ADAMTS14: variants seen among roughly 807,000 people sequenced by gnomAD.
The protein encoded by ADAMTS14 is A disintegrin and metalloproteinase with thrombospondin motifs 14.
A neutral mutation model predicts 128.6 loss-of-function variants in ADAMTS14; 100 were observed. The observed-to-expected ratio is 0.78, with a 90% CI of 0.66 to 0.92. The LOEUF (loss-of-function observed/expected upper bound fraction) is 0.92. Ranked by LOEUF, ADAMTS14 falls within the 40% of genes least tolerant of loss-of-function variation. The pLI, the probability that ADAMTS14 is intolerant of heterozygous loss-of-function variation, is 0.00. For missense variants in ADAMTS14, 1,562 were observed against 1,658.6 expected, an observed-to-expected ratio of 0.94 and a Z score of 1.01; for synonymous variants, 665 against 653.8, an observed-to-expected ratio of 1.02 and a Z score of -0.26.
chr10:70,682,763 T>C (rs989611063), intron 2 of ADAMTS14, among the ~76,000 whole-genome samples: 1 of 151,996 alleles, frequency 6.6e-6, no homozygotes, highest in Non-Finnish European at 1.5e-5. Context: ...GGGTTTTCAG[T>C]GGGGCACACA....
At position 70,761,593 on chromosome 10, in the gene ADAMTS14, A is replaced by G. The variant is rs1473376343; in HGVS notation, c.*740A>G. 2 of 152,202 alleles carry G rather than the reference A, an allele frequency of 1.3e-5. 1 individual carries two copies. The highest frequency in any genetic ancestry group is 2.9e-5 in the Non-Finnish European group (2 of 68,072). 9.4% of individuals were successfully genotyped at this position (152,202 alleles called of 1,614,324 possible). On this transcript the variant is annotated 3_prime_UTR_variant, in exon 22 of 22. Coordinates refer to ENST00000373207, the MANE Select transcript of ADAMTS14 (RefSeq NM_080722.4). ...TGGCCCCCCAATCTCACCCCAGCCCACCAGAGAAGGGGGCTCAGGACACCC... is the reference window on the plus strand; with the variant it reads ...TGGCCCCCCAATCTCACCCCAGCCCGCCAGAGAAGGGGGCTCAGGACACCC...
At chr10:70,694,919 G>A (rs907780039) in intron 2 of ADAMTS14, among the ~76,000 whole-genome samples, 2 of 152,182 alleles carry the variant, frequency 1.3e-5, no homozygotes, top group Non-Finnish European at 2.9e-5. Flanking sequence ...GGATCATGTG[G>A]TAATGCTGTT....
chr10:70,724,673 C>T (rs75737210), intron 4 of ADAMTS14, among the ~76,000 whole-genome samples: 5,084 of 152,246 alleles, frequency 0.033, 325 homozygotes, highest in African/African-American at 0.12. Context: ...AAATCAAAGA[C>T]GCTGAGGTCC....
At chr10:70,727,619 TGGC>T in intron 4 of ADAMTS14, among the ~76,000 whole-genome samples, 4 of 152,242 alleles carry the variant, frequency 2.6e-5, no homozygotes, top group Non-Finnish European at 2.9e-5. Context: ...ACCACACTGC[TGGC>T]ATCACATCCC....
intron 2 of ADAMTS14, among the ~76,000 whole-genome samples, chr10:70,691,301 T>C (rs1389913783): frequency 7.0e-6 from 1 of 142,976 alleles, no homozygotes; most frequent in East Asian, 2.0e-4. Flanking sequence ...AAGACCAGCC[T>C]GGCCAACATG....
intron 4 of ADAMTS14, among the ~76,000 whole-genome samples, chr10:70,728,266 G>A (rs957414174): frequency 2.0e-5 from 3 of 152,212 alleles, no homozygotes; most frequent in Non-Finnish European, 4.4e-5. Flanking sequence ...TATTCAGTAT[G>A]ATTCCAATTT....
At chr10:70,731,014 C>A (rs979554025) in intron 6 of ADAMTS14, among the ~76,000 whole-genome samples, 2 of 150,962 alleles carry the variant, frequency 1.3e-5, no homozygotes, top group African/African-American at 4.9e-5. Flanking sequence ...CCCTGCCTAC[C>A]CAAAAATTTC....
intron 6 of ADAMTS14, among the ~76,000 whole-genome samples, chr10:70,731,262 C>T (rs1841629149): frequency 6.7e-6 from 1 of 149,168 alleles, no homozygotes; most frequent in Non-Finnish European, 1.5e-5. Context: ...TACATGCATG[C>T]ACAGGCACTC....
At chr10:70,731,064 C>CCACACACA (rs56903140) in intron 6 of ADAMTS14, among the ~76,000 whole-genome samples, 3,541 of 145,746 alleles carry the variant, frequency 0.024, 50 homozygotes, top group Middle Eastern at 0.06. Flanking sequence ...GTTTTACACA[C>CCACACACA]CACACACACA....
At position 70,735,282 on chromosome 10, in the gene ADAMTS14, G is replaced by A. The variant is rs1841789994; in HGVS notation, c.1466G>A (p.Gly489Asp). ...CAGTGCCGCTTTGACTTTGGCAGTG[G>A]CTACCAGACCTGCTTGGCAGTAAGT... Reference protein sequence around the residue: ...DEQCRFDFGSGYQTCLAFRTF... With the variant: ...DEQCRFDFGSDYQTCLAFRTF... Residue 489 changes from glycine (G) to aspartate (D), a missense_variant, in exon 9 of 22, where the codon GGC (glycine) becomes GAC (aspartate). Transcript: ENST00000373207. The A allele has an allele frequency of 6.2e-7, 1 of 1,613,958 alleles. No homozygotes were observed. Among genetic ancestry groups the A allele is most frequent in the Non-Finnish European group, 8.5e-7 (1 of 1,179,934 alleles).
chr10:70,703,853 A>C lies in ADAMTS14; in HGVS notation c.679+1385A>C, dbSNP rs187558641. Among the ~76,000 whole-genome samples the C allele has an allele frequency of 1.9e-4, 29 of 152,304 alleles. No individual in the cohort carries two copies. In the East Asian group the frequency reaches 5.6e-3, roughly 29 times the overall value. ...CCCCACACCAGGCTCCGGGGCTGGA[A>C]CTCCAGTGAGGCCAGGCCCTGGTCC... On this transcript the variant is annotated intron_variant, in intron 3 of 21. Transcript: ENST00000373207.
chr10:70,701,919 T>G (rs1454304428), intron 2 of ADAMTS14, among the ~76,000 whole-genome samples: 4 of 152,212 alleles, frequency 2.6e-5, no homozygotes, highest in African/African-American at 9.6e-5. Context: ...CAAACCCCTG[T>G]GATGTGCTTC....
chr10:70,702,217 A>G, intron 2 of ADAMTS14, 95 bp from the exon 3 acceptor site: 1 of 1,535,808 alleles, frequency 6.5e-7, no homozygotes, highest in South Asian at 1.2e-5. Context: ...ATGTAGGGTC[A>G]CATATGTGCA....
chr10:70,752,497 C>T (rs552274006), intron 18 of ADAMTS14, among the ~76,000 whole-genome samples: 38 of 152,294 alleles, frequency 2.5e-4, no homozygotes, highest in African/African-American at 5.8e-4. Flanking sequence ...CCCTGGCTTG[C>T]GGCTACATGC....
intron 2 of ADAMTS14, among the ~76,000 whole-genome samples, chr10:70,679,909 C>A (rs1378273620): frequency 6.6e-6 from 1 of 152,066 alleles, no homozygotes; most frequent in Non-Finnish European, 1.5e-5. Flanking sequence ...CCTTCGGCAC[C>A]TCCCTGTTGT....
chr10:70,749,739 G>A (rs1842293626), intron 15 of ADAMTS14, 83 bp from the exon 16 acceptor site: 2 of 1,498,464 alleles, frequency 1.3e-6, no homozygotes. Flanking sequence ...GGCTCACTGG[G>A]AAGGCCTTGA....
chr10:70,712,000 A>G (rs548423976), intron 4 of ADAMTS14, among the ~76,000 whole-genome samples: 3 of 151,870 alleles, frequency 2.0e-5, no homozygotes, highest in Non-Finnish European at 4.4e-5. Flanking sequence ...GGAGCCTAGC[A>G]TGTGGTTTTG....
chr10:70,726,508 A>C (rs1156587257), intron 4 of ADAMTS14, among the ~76,000 whole-genome samples: 1 of 152,166 alleles, frequency 6.6e-6, no homozygotes, highest in Non-Finnish European at 1.5e-5. Context: ...GGTTTACATG[A>C]GTATGCGTGG....
chr10:70,717,497 G>T (rs540248390), intron 4 of ADAMTS14, among the ~76,000 whole-genome samples: 1 of 152,172 alleles, frequency 6.6e-6, no homozygotes, highest in African/African-American at 2.4e-5. Flanking sequence ...TGGCTGGCAA[G>T]GCAGCAGTAT....
Sources: gnomAD v4.1 joint callset for allele counts (sites outside exome capture counted in the v4.1 genomes callset) on GRCh38, gnomAD v4.1.1 for gene constraint, MANE v1.5 for transcripts, NCBI Gene and HGNC (gene_info 2026-07-23, HGNC 2026-07-21) for gene names.